The following RASSF5 variants were observed in gnomAD, a reference collection of about 807,000 sequenced individuals.
The protein encoded by RASSF5 is Ras association domain family member 5, also known as ras association domain-containing protein 5.
A neutral mutation model predicts 40.5 loss-of-function variants in RASSF5; 25 were observed. The ratio of observed to expected loss-of-function variants is 0.62; its 90% CI spans 0.45 to 0.86. The LOEUF (loss-of-function observed/expected upper bound fraction) is 0.86. RASSF5 is among the 40% of genes least tolerant of loss of function. The pLI, the probability that RASSF5 is intolerant of heterozygous loss-of-function variation, is 0.00. For missense variants in RASSF5, 521 were observed against 572.8 expected (o/e 0.91, Z 0.92); for synonymous variants, 246 against 252.4 (o/e 0.97, Z 0.24).
intron 2 of RASSF5, among the ~76,000 whole-genome samples, chr1:206,569,496 G>A (rs1553403885): frequency 6.6e-6 from 1 of 152,220 alleles, no homozygotes; most frequent in Non-Finnish European, 1.5e-5. Flanking sequence ...CTGGACAAGG[G>A]AAGAAGCCTT....
intron 2 of RASSF5, among the ~76,000 whole-genome samples, chr1:206,561,653 TTTTC>T (rs1668145475): frequency 1.4e-5 from 2 of 146,562 alleles, no homozygotes; most frequent in African/African-American, 5.2e-5. Context: ...AGTTAAATAT[TTTTC>T]TTTTTCTTTT....
At chr1:206,518,213 G>A (rs1377436606) in intron 1 of RASSF5, among the ~76,000 whole-genome samples, 2 of 152,150 alleles carry the variant, frequency 1.3e-5, no homozygotes, top group Non-Finnish European at 2.9e-5. Flanking sequence ...GGAGGGGAAA[G>A]GACCTCAGTG....
intron 2 of RASSF5, among the ~76,000 whole-genome samples, chr1:206,562,530 G>A (rs1668172315): frequency 6.6e-6 from 1 of 152,112 alleles, no homozygotes; most frequent in Non-Finnish European, 1.5e-5. Flanking sequence ...CTCCACACTC[G>A]TGGGATTCAC....
At chr1:206,570,332 G>C (rs1558516913) in intron 2 of RASSF5, among the ~76,000 whole-genome samples, 1 of 151,986 alleles carries the variant, frequency 6.6e-6, no homozygotes, top group Non-Finnish European at 1.5e-5. Context: ...GGCCTCAAGA[G>C]ATCTTCCTGC....
chr1:206,538,996 C>CTGT (rs1553399039), intron 2 of RASSF5, among the ~76,000 whole-genome samples: 1 of 152,150 alleles, frequency 6.6e-6, no homozygotes, highest in Non-Finnish European at 1.5e-5. Flanking sequence ...ATAGCATACA[C>CTGT]TGTGATGCAT....
intron 2 of RASSF5, among the ~76,000 whole-genome samples, chr1:206,580,036 C>T (rs1553405948): frequency 6.6e-6 from 1 of 152,226 alleles, no homozygotes; most frequent in African/African-American, 2.4e-5. Flanking sequence ...CATCACCAGC[C>T]AGAGGGCCAG....
chr1:206,557,203 CGGGGGAGGT>C (rs1668013919), intron 2 of RASSF5: 2 of 1,043,982 alleles, frequency 1.9e-6, no homozygotes, highest in South Asian at 3.8e-5. Context: ...GCGCGGGAGG[CGGGGGAGGT>C]GCGGAGATGG....
chr1:206,545,414 T>G (rs1207667475), intron 2 of RASSF5, among the ~76,000 whole-genome samples: 1 of 149,514 alleles, frequency 6.7e-6, no homozygotes, highest in African/African-American at 2.5e-5. Flanking sequence ...GTAGTGGTGC[T>G]CATTGTAACC....
intron 5 of RASSF5, 49 bp from the exon 6 acceptor site, chr1:206,586,777 C>T (rs1553407729): frequency 1.3e-6 from 2 of 1,484,152 alleles, no homozygotes; most frequent in East Asian, 2.3e-5. Context: ...CAACTTCTAA[C>T]CTGTCTCCTA....
At chr1:206,586,491 G>A (rs2103574941) in intron 5 of RASSF5, 2 of 234,048 alleles carry the variant, frequency 8.5e-6, no homozygotes, top group East Asian at 2.6e-4. Flanking sequence ...CCTGCTTTCT[G>A]AGGGTCTGCA....
Position 206,522,063 on chromosome 1 carries a change from A to G in RASSF5, c.457+14004A>G, listed in dbSNP as rs550710202. On this transcript the variant is annotated intron_variant, in intron 1 of 5. Transcript: ENST00000579436. ...TTTTCTTAAGGTGCCTGGCAATAGG[A>G]TTTCTTTTTTCCCGTGGTGATGATC... Among the ~76,000 whole-genome samples, 36 of 151,482 alleles carry G rather than the reference A, an allele frequency of 2.4e-4. No homozygotes were observed. The South Asian group carries it at 4.2e-3, about 18-fold the overall frequency.
chr1:206,512,925 AATACAGGG>A (rs1408651924), intron 1 of RASSF5, among the ~76,000 whole-genome samples: 1 of 152,218 alleles, frequency 6.6e-6, no homozygotes, highest in African/African-American at 2.4e-5. Flanking sequence ...ATGAGGTCAG[AATACAGGG>A]ATACAGGGAT....
rs1354011537 is a variant in RASSF5 at position 206,531,163 on chromosome 1, GC to G, written c.458-7008del. Among the ~76,000 whole-genome samples the G allele has an allele frequency of 6.6e-6, 1 of 152,236 alleles. No individual in the cohort carries two copies. The highest frequency in any genetic ancestry group is 1.5e-5 in the Non-Finnish European group (1 of 68,048). On this transcript the variant is annotated intron_variant, in intron 1 of 5. Coordinates refer to ENST00000579436, the MANE Select transcript of RASSF5 (RefSeq NM_182663.4). The surrounding 1 kb of genome is among the most constrained non-coding windows in gnomAD (Gnocchi z 4.7). ...AGGACACCGGCCTGGGGTCGGATCA[GC>G]ACTCGCACTCTGGTCTCTCCACTTC...
In RASSF5 at chr1:206,508,042, A is replaced by AGGCGC; in HGVS notation, c.441_445dup (p.Leu149ArgfsTer19). 1 of 1,413,550 alleles carries AGGCGC rather than the reference A, an allele frequency of 7.1e-7. No homozygotes were observed. The highest frequency in any genetic ancestry group is 1.6e-5 in the South Asian group (1 of 63,908). The allele number at this position is 1,413,550 out of a possible 1,614,324, so 87.6% of individuals were successfully genotyped here. On this transcript the variant is annotated frameshift_variant, in exon 1 of 6. Transcript: ENST00000579436. LOFTEE classifies it high-confidence loss of function. ...CTGTGCGGACGAGAGGTGCTGCGGC[A>AGGCGC]GGCGCTGCGCTGCACTAGTAAGTGT...
At chr1:206,519,632 CTT>C (rs1185523598) in intron 1 of RASSF5, among the ~76,000 whole-genome samples, 3 of 152,176 alleles carry the variant, frequency 2.0e-5, no homozygotes, top group African/African-American at 7.2e-5. Context: ...TTTCTCTATA[CTT>C]CTCTCATATA....
At chr1:206,532,109 C>T (rs1184638392) in intron 1 of RASSF5, among the ~76,000 whole-genome samples, 1 of 151,900 alleles carries the variant, frequency 6.6e-6, no homozygotes, top group Non-Finnish European at 1.5e-5. Flanking sequence ...ATTATTTTTT[C>T]AGATTTCCCT....
At chr1:206,572,931 G>T (rs548905902) in intron 2 of RASSF5, among the ~76,000 whole-genome samples, 1 of 152,206 alleles carries the variant, frequency 6.6e-6, no homozygotes, top group South Asian at 2.1e-4. Context: ...CCCATATTGG[G>T]TCCCCACTGA....
At chr1:206,578,742 C>A (rs981437563) in intron 2 of RASSF5, among the ~76,000 whole-genome samples, 5 of 152,174 alleles carry the variant, frequency 3.3e-5, no homozygotes, top group Non-Finnish European at 7.4e-5. Context: ...CCTCTCATTG[C>A]CACAGCATTC....
chr1:206,516,600 G>A (rs544103825), intron 1 of RASSF5, among the ~76,000 whole-genome samples: 1 of 152,250 alleles, frequency 6.6e-6, no homozygotes, highest in African/African-American at 2.4e-5. Context: ...GGGACTACAG[G>A]TGCGTGCCAC....
Sources: allele counts gnomAD v4.1 joint callset (sites outside exome capture counted in the v4.1 genomes callset), GRCh38; gene constraint gnomAD v4.1.1; non-coding constraint Gnocchi (gnomAD v3.1); transcripts MANE v1.5; gene names NCBI Gene and HGNC (gene_info 2026-07-23, HGNC 2026-07-21).